CELA2B: variants seen among roughly 807,000 people sequenced by gnomAD.
CELA2B encodes chymotrypsin like elastase 2B, also known as chymotrypsin-like elastase family member 2B.
In CELA2B, 27 loss-of-function variants were observed where a neutral mutation model predicts 36.5. The ratio of observed to expected loss-of-function variants is 0.74; its 90% confidence interval spans 0.55 to 1.02. The LOEUF is 1.02. Among genes scored for constraint, CELA2B ranks in the 50% least tolerant of loss-of-function variants. The pLI is 0.00. For synonymous variants in CELA2B, 143 were observed against 148.5 expected, an observed-to-expected ratio of 0.96 and a Z score of 0.27; for missense variants, 340 against 347.8, an observed-to-expected ratio of 0.98 and a Z score of 0.18.
chr1:15,485,610 A>C (rs1158862834), intron 5 of CELA2B, among the ~76,000 whole-genome samples: 2 of 152,222 alleles, frequency 1.3e-5, no homozygotes, highest in Non-Finnish European at 1.5e-5. Context: ...GCCATTGACA[A>C]CAGCTTCCAA....
At position 15,476,965 on chromosome 1, in the gene CELA2B, AAG is replaced by A. The variant is rs3835457; in HGVS notation, c.129+426_129+427del. Among the ~76,000 whole-genome samples, 132 of 152,224 alleles carry A rather than the reference AAG, an allele frequency of 8.7e-4. 2 individuals carry two copies. In the East Asian group the frequency reaches 0.022, roughly 25 times the overall value. ...CCACTACACTCCGGCCTGAATAACA[AAG>A]AGAGACTCCATCTCAAAAAAAAGAA... On this transcript the variant is annotated intron_variant, in intron 2 of 7. Transcript: ENST00000375910.
intron 2 of CELA2B, 101 bp downstream of exon 2, chr1:15,476,646 G>T (rs765415869): frequency 5.4e-6 from 6 of 1,112,920 alleles, no homozygotes; most frequent in Non-Finnish European, 8.2e-6. Flanking sequence ...GCAAAGTTAG[G>T]ATTGATGGGA....
rs566475451 is a variant in CELA2B, at chr1:15,488,312, A to C, written c.792+875A>C. ...TGAGGTGGAAGGATCGCTTTGGCCC[A>C]AGAGGTGGAGCCTACAGTAAGCCAA... is the stretch of plus-strand genomic sequence containing the variant. On this transcript the variant is annotated intron_variant, in intron 7 of 7. Coordinates refer to ENST00000375910, the MANE Select transcript of CELA2B (RefSeq NM_015849.3). 1.3e-4 allele frequency among the ~76,000 whole-genome samples: 20 copies of C among 152,232 alleles called. No individual in the cohort carries two copies. In the South Asian group the frequency reaches 4.1e-3, roughly 32 times the overall value.
In CELA2B at chr1:15,487,415, A is replaced by T; in HGVS notation, c.770A>T (p.Asn257Ile). 1 of 1,614,258 alleles carries T rather than the reference A, an allele frequency of 6.2e-7. No homozygotes were observed. Among genetic ancestry groups the T allele is most frequent in the Non-Finnish European group, 8.5e-7 (1 of 1,180,058 alleles). Residue 257 changes from asparagine (N) to isoleucine (I), a missense_variant, in exon 7 of 8, where the codon AAC becomes ATC. Asn to Ile is a moderately radical substitution (Grantham distance 149). Coordinates refer to ENST00000375910, the MANE Select transcript of CELA2B (RefSeq NM_015849.3). ...CCCTCCATCTTCACGCGGGTCTCCAACTACAACGACTGGATCAATTCGGTA... is the reference window on the plus strand; with the variant it reads ...CCCTCCATCTTCACGCGGGTCTCCATCTACAACGACTGGATCAATTCGGTA... ...YKPSIFTRVS[N>I]YNDWINSVIA... is the part of the protein sequence containing the mutation.
chr1:15,482,251 C>A lies in CELA2B; in HGVS notation c.228-14C>A. On this transcript the variant is annotated splice_polypyrimidine_tract_variant and intron_variant, in intron 3 of 7. Coordinates refer to ENST00000375910, the MANE Select transcript of CELA2B (RefSeq NM_015849.3). ...TCTGGAGGTGACCCTCTCCCTGGGA[C>A]CCCTTTCTCCCAGCTCCTCCGGGAT... The A allele has an allele frequency of 6.2e-7, 1 of 1,613,466 alleles. No individual in the cohort carries two copies. The highest frequency in any genetic ancestry group is 8.5e-7 in the Non-Finnish European group (1 of 1,179,636).
rs376020731 is a variant in CELA2B at position 15,487,328 on chromosome 1, G to A, written c.683G>A (p.Arg228Gln). ...CTGAACTGTCAGGCATCTGACGGCC[G>A]GTGGGAGGTGCATGGCATCGGCAGC... Reference protein sequence around the residue: ...GPLNCQASDGRWEVHGIGSLT... With the variant: ...GPLNCQASDGQWEVHGIGSLT... Residue 228 changes from arginine (R) to glutamine (Q), a missense_variant, in exon 7 of 8, where the codon CGG becomes CAG. Arg to Gln is a conservative substitution (Grantham distance 43, BLOSUM62 1). Transcript: ENST00000375910. 34 of 1,614,106 alleles carry A rather than the reference G, an allele frequency of 2.1e-5. No homozygotes were observed. In the African/African-American group the frequency reaches 2.1e-4, roughly 10 times the overall value.
intron 7 of CELA2B, among the ~76,000 whole-genome samples, chr1:15,489,331 G>A (rs1360916265): frequency 1.3e-5 from 2 of 152,118 alleles, no homozygotes; most frequent in Admixed American, 1.3e-4. Flanking sequence ...AGGGATCCAC[G>A]GGGCAGCACG....
Position 15,485,982 on chromosome 1 carries a change from G to A in CELA2B, c.575G>A (p.Trp192Ter), listed in dbSNP as rs751943635. The change falls in exon 6 of 8, where the codon TGG becomes TAG. Residue 192 changes from tryptophan to a stop codon, truncating the protein, a stop_gained. Coordinates refer to ENST00000375910, the MANE Select transcript of CELA2B (RefSeq NM_015849.3). LOFTEE classifies it high-confidence loss of function. ...DYATCSSSGWWGSTVKTNMIC... is the reference protein window; with the variant it reads ...DYATCSSSGW ...GCCACCTGCTCCAGCTCTGGCTGGT[G>A]GGGCAGCACCGTGAAGACGAATATG... 1.9e-6 allele frequency: 3 copies of A among 1,614,074 alleles called. No homozygotes were observed. The highest frequency in any genetic ancestry group is 2.5e-6 in the Non-Finnish European group (3 of 1,180,054).
At chr1:15,488,272 A>C (rs1381360672) in intron 7 of CELA2B, among the ~76,000 whole-genome samples, 1 of 151,940 alleles carries the variant, frequency 6.6e-6, no homozygotes, top group Non-Finnish European at 1.5e-5. Flanking sequence ...CTGTAGTCTC[A>C]GCTGCTTGGG....
intron 7 of CELA2B, among the ~76,000 whole-genome samples, chr1:15,490,628 GA>G (rs1708871792): frequency 6.6e-6 from 1 of 152,166 alleles, no homozygotes; most frequent in Non-Finnish European, 1.5e-5. Flanking sequence ...AGCACTTTGG[GA>G]AGCCGAGACG....
At chr1:15,484,197 T>A (rs1030063877) in intron 5 of CELA2B, among the ~76,000 whole-genome samples, 3 of 152,078 alleles carry the variant, frequency 2.0e-5, no homozygotes, top group African/African-American at 7.2e-5. Context: ...CCATGCCCCA[T>A]AGCAAAAGCT....
At chr1:15,487,183 C>T (rs928033359) in intron 6 of CELA2B, 102 bp from the exon 7 acceptor site, 6 of 1,113,074 alleles carry the variant, frequency 5.4e-6, no homozygotes, top group African/African-American at 1.5e-5. Flanking sequence ...CTTCAGAGGA[C>T]AGTGACCTGC....
At position 15,483,322 on chromosome 1, in the gene CELA2B, C is replaced by T; in HGVS notation, c.415C>T (p.Leu139=). 3.7e-6 allele frequency: 6 copies of T among 1,614,088 alleles called. No homozygotes were observed. The highest frequency in any genetic ancestry group is 5.1e-6 in the Non-Finnish European group (6 of 1,179,950). ...CGTCTCCCTCACCGACAAGATCCAG[C>T]TGGCCTGCCTCCCTCCTGCCGGCAC... ...NPVSLTDKIQ[L]ACLPPAGTIL... The change falls in exon 5 of 8, where the codon CTG becomes TTG. Residue 139 remains leucine (L), a synonymous_variant. Coordinates refer to ENST00000375910, the MANE Select transcript of CELA2B (RefSeq NM_015849.3).
intron 6 of CELA2B, 104 bp downstream of exon 6, chr1:15,486,150 T>C (rs1331536444): frequency 2.1e-6 from 3 of 1,418,666 alleles, no homozygotes; most frequent in Non-Finnish European, 2.9e-6. Flanking sequence ...TCCGACCTCC[T>C]GGCAGAAGCA....
intron 5 of CELA2B, among the ~76,000 whole-genome samples, chr1:15,484,380 G>A (rs1401242351): frequency 2.0e-5 from 3 of 152,120 alleles, no homozygotes; most frequent in Admixed American, 1.3e-4. Context: ...AGGGATGAGT[G>A]ATAATGACCT....
chr1:15,487,971 G>A (rs1708825923), intron 7 of CELA2B, among the ~76,000 whole-genome samples: 2 of 83,922 alleles, frequency 2.4e-5, no homozygotes, highest in African/African-American at 1.8e-4. Flanking sequence ...ATAAAGCTGA[G>A]TTGGTCCCCG....
chr1:15,490,504 T>TGGTC (rs1297228818), intron 7 of CELA2B, among the ~76,000 whole-genome samples: 1 of 152,218 alleles, frequency 6.6e-6, no homozygotes, highest in African/African-American at 2.4e-5. Flanking sequence ...TCTTGCACAC[T>TGGTC]TGAGTATTTG....
intron 2 of CELA2B, among the ~76,000 whole-genome samples, chr1:15,479,710 T>C (rs1484806145): frequency 6.6e-6 from 1 of 152,210 alleles, no homozygotes; most frequent in African/African-American, 2.4e-5. Flanking sequence ...CATGTGTGTG[T>C]GCACATTGTT....
chr1:15,481,343 G>C, intron 3 of CELA2B, 148 bp downstream of exon 3: 1 of 976,360 alleles, frequency 1.0e-6, no homozygotes, highest in Non-Finnish European at 1.6e-6. Context: ...GTCAATCAAT[G>C]GTTCAGTGTG....
Sources: allele counts gnomAD v4.1 joint callset (sites outside exome capture counted in the v4.1 genomes callset), GRCh38; gene constraint gnomAD v4.1.1; transcripts MANE v1.5; gene names NCBI Gene and HGNC (gene_info 2026-07-23, HGNC 2026-07-21).